Variants in GFPT2 observed in about 807,000 individuals in gnomAD.
The protein encoded by GFPT2 is glutamine--fructose-6-phosphate aminotransferase [isomerizing] 2.
A neutral mutation model predicts 85.6 loss-of-function variants in GFPT2; 62 were observed. The ratio of observed to expected loss-of-function variants is 0.72; its 90% confidence interval spans 0.59 to 0.90. The LOEUF is 0.90. Among genes scored for constraint, GFPT2 ranks in the 40% least tolerant of loss-of-function variants. The pLI is 0.00. For missense variants in GFPT2, 788 were observed against 893.4 expected, an observed-to-expected ratio of 0.88 and a Z score of 1.50; for synonymous variants, 368 against 344.5, an observed-to-expected ratio of 1.07 and a Z score of -0.75.
intron 17 of GFPT2, among the ~76,000 whole-genome samples, chr5:180,303,154 T>C (rs1334116233): frequency 2.7e-4 from 39 of 144,380 alleles, no homozygotes; most frequent in South Asian, 6.7e-4. Flanking sequence ...GGCGTGAACC[T>C]GGGAGGCGGA....
chr5:180,326,774 T>C (rs1382777968), intron 7 of GFPT2, among the ~76,000 whole-genome samples: 2 of 152,248 alleles, frequency 1.3e-5, no homozygotes, highest in Non-Finnish European at 2.9e-5. Context: ...TTGAGCTCTG[T>C]GGTTTCTCTA....
intron 14 of GFPT2, 54 bp downstream of exon 14, chr5:180,313,753 T>C (rs924407366): frequency 4.2e-5 from 62 of 1,489,464 alleles, no homozygotes; most frequent in Non-Finnish European, 5.0e-5. Context: ...CGGCCTCTGG[T>C]GCACCTGCCT....
chr5:180,327,502 G>A (rs928427821), intron 7 of GFPT2, among the ~76,000 whole-genome samples: 2 of 152,164 alleles, frequency 1.3e-5, no homozygotes, highest in Non-Finnish European at 2.9e-5. Context: ...TTGCCCCCCT[G>A]CCAGGTAAGG....
intron 13 of GFPT2, 30 bp from the exon 14 acceptor site, chr5:180,313,994 G>C: frequency 6.4e-7 from 1 of 1,563,426 alleles, no homozygotes; most frequent in South Asian, 1.1e-5. Flanking sequence ...TCAGTGCCGC[G>C]CTCCGCCAGC....
At chr5:180,350,956 G>A (rs1356831353) in intron 1 of GFPT2, among the ~76,000 whole-genome samples, 1 of 152,206 alleles carries the variant, frequency 6.6e-6, no homozygotes, top group Non-Finnish European at 1.5e-5. Flanking sequence ...CTGCTCAGAC[G>A]CCAGGTGCGC....
chr5:180,338,663 C>T, intron 1 of GFPT2, 63 bp from the exon 2 acceptor site: 1 of 990,280 alleles, frequency 1.0e-6, no homozygotes, highest in African/African-American at 1.6e-5. Flanking sequence ...GAAGAAAACG[C>T]TTCTGGGGGA....
At chr5:180,312,935 C>G (rs555433188) in intron 14 of GFPT2, among the ~76,000 whole-genome samples, 2 of 152,130 alleles carry the variant, frequency 1.3e-5, no homozygotes, top group African/African-American at 4.8e-5. Context: ...CGCCACCACA[C>G]CCGACTAATT....
intron 3 of GFPT2, 160 bp from the exon 4 acceptor site, chr5:180,336,113 C>A: frequency 1.6e-6 from 1 of 620,724 alleles, no homozygotes. Context: ...ACAAACCACC[C>A]GTGCTGAAGG....
At chr5:180,333,032 A>G (rs557215905) in intron 4 of GFPT2, among the ~76,000 whole-genome samples, 16 of 152,314 alleles carry the variant, frequency 1.1e-4, no homozygotes, top group African/African-American at 3.8e-4. Flanking sequence ...GGAGGGCTTA[A>G]ATAAGAAAAG....
At chr5:180,346,502 C>T (rs902440903) in intron 1 of GFPT2, among the ~76,000 whole-genome samples, 3 of 152,196 alleles carry the variant, frequency 2.0e-5, no homozygotes, top group African/African-American at 7.2e-5. Flanking sequence ...CACGGCAAGG[C>T]AGGTTCCAGC....
intron 13 of GFPT2, among the ~76,000 whole-genome samples, chr5:180,316,101 C>A (rs58821651): frequency 0.024 from 3,647 of 152,292 alleles, 120 homozygotes; most frequent in East Asian, 0.14. Flanking sequence ...GAAAGACTAA[C>A]GTGCGTGGAT....
intron 17 of GFPT2, among the ~76,000 whole-genome samples, chr5:180,304,187 G>A (rs1260750723): frequency 6.6e-6 from 1 of 152,022 alleles, no homozygotes; most frequent in East Asian, 1.9e-4. Flanking sequence ...TCAAACTAGG[G>A]GTCTCTTCTT....
At chr5:180,324,714 T>A in intron 8 of GFPT2, 102 bp downstream of exon 8, 1 of 794,226 alleles carries the variant, frequency 1.3e-6, no homozygotes, top group Non-Finnish European at 2.3e-6. Flanking sequence ...TGGCTCAGAG[T>A]GGGGTTTCCT....
chr5:180,327,776 T>C (rs73813210), intron 7 of GFPT2, among the ~76,000 whole-genome samples: 3,472 of 152,238 alleles, frequency 0.023, 129 homozygotes, highest in African/African-American at 0.078. Flanking sequence ...GAGGGACACA[T>C]TGGGGCAAGC....
rs559237375 is a variant in GFPT2 at position 180,341,344 on chromosome 5, T to A, written c.8-2744A>T. Among the ~76,000 whole-genome samples, 24 of 152,318 alleles carry A rather than the reference T, an allele frequency of 1.6e-4. 1 individual carries two copies. The highest frequency in any genetic ancestry group is 5.5e-4 in the African/African-American group (23 of 41,576). The stretch of plus-strand genomic sequence containing the variant: ...TAACAGACAGCTGATTGTGATTATA[T>A]ACGAAACCACCTGGAATATCTCTGG... On this transcript the variant is annotated intron_variant, in intron 1 of 18. Coordinates refer to ENST00000253778, the MANE Select transcript of GFPT2 (RefSeq NM_005110.4).
Position 180,301,219 on chromosome 5 carries a change from A to G in GFPT2, c.*345T>C, listed in dbSNP as rs1311947003. 9 of 344,630 alleles carry G rather than the reference A, an allele frequency of 2.6e-5. No individual in the cohort carries two copies. In the East Asian group the frequency reaches 2.9e-4, roughly 11 times the overall value. 21.3% of individuals were successfully genotyped at this position (344,630 alleles called of 1,614,324 possible). On this transcript the variant is annotated 3_prime_UTR_variant, in exon 19 of 19. Transcript: ENST00000253778. The stretch of plus-strand genomic sequence containing the variant: ...ATAACTTAAAAGCTATACAGTCGTC[A>G]TTATAAATATCTTGTCTTTTAAAAC...
At chr5:180,351,819 T>A (rs1764716671) in intron 1 of GFPT2, among the ~76,000 whole-genome samples, 1 of 151,966 alleles carries the variant, frequency 6.6e-6, no homozygotes. Flanking sequence ...CAGAGGAGCA[T>A]CTGAAAGGAA....
At position 180,302,363 on chromosome 5, in the gene GFPT2, G is replaced by A. The variant is rs1046177145; in HGVS notation, c.2004+60C>T. 3.9e-6 allele frequency: 5 copies of A among 1,289,456 alleles called. No individual in the cohort carries two copies. The African/African-American group carries it at 7.3e-5, about 19-fold the overall frequency. The allele number at this position is 1,289,456 out of a possible 1,614,324, so 79.9% of individuals were successfully genotyped here. A position where few individuals can be genotyped will look rare whatever the true frequency, so the allele number is the denominator to read the frequency against. ...ATTTACTCCAAGTATTTAAAGAACA[G>A]AAAGGAACTCTGGGGTTATGTCTCT... On this transcript the variant is annotated intron_variant, in intron 18 of 18. Transcript: ENST00000253778.
At position 180,313,007 on chromosome 5, in the gene GFPT2, C is replaced by T. The variant is rs1427963307; in HGVS notation, c.1432-463G>A. On this transcript the variant is annotated intron_variant, in intron 14 of 18. Transcript: ENST00000253778. Reference sequence around the variant, plus strand: ...AGCCAGGATGGTCTCAAACCCCTGACCTCAGGTGATCCCCCTGCCTCGGCC... The same window carrying T: ...AGCCAGGATGGTCTCAAACCCCTGATCTCAGGTGATCCCCCTGCCTCGGCC... 1.1e-3 allele frequency among the ~76,000 whole-genome samples: 173 copies of T among 152,128 alleles called. 1 individual carries two copies. The highest frequency in any genetic ancestry group is 2.1e-3 in the Non-Finnish European group (145 of 68,010).
Sources: gnomAD v4.1 joint callset for allele counts (sites outside exome capture counted in the v4.1 genomes callset) on GRCh38, gnomAD v4.1.1 for gene constraint, MANE v1.5 for transcripts, NCBI Gene and HGNC (gene_info 2026-07-23, HGNC 2026-07-21) for gene names.